Variants in GPR149 observed in about 807,000 individuals in gnomAD.
GPR149 encodes probable G protein-coupled receptor 149.
Under a neutral mutation model 50.2 loss-of-function variants are expected in GPR149, and 50 were observed. That is an observed-to-expected ratio of 1.00 (90% CI 0.79 to 1.26). The LOEUF (loss-of-function observed/expected upper bound fraction) is 1.26, where lower values mean the gene tolerates loss of function less well. GPR149 is among the 50% of genes most tolerant of loss of function. GPR149 has a pLI of 0.00. For synonymous variants in GPR149, 405 were observed against 358.2 expected (o/e 1.13, Z -1.48); for missense variants, 983 against 895.4 (o/e 1.10, Z -1.25).
chr3:154,383,280 C>T (rs773733014), intron 3 of GPR149, among the ~76,000 whole-genome samples: 13 of 152,164 alleles, frequency 8.5e-5, no homozygotes, highest in Non-Finnish European at 1.6e-4. Context: ...AGACATTCCA[C>T]TGAGCAGGCC....
intron 3 of GPR149, among the ~76,000 whole-genome samples, chr3:154,356,329 A>G (rs565530898): frequency 2.0e-5 from 3 of 152,302 alleles, no homozygotes; most frequent in Non-Finnish European, 2.9e-5. Context: ...AGTTCTGGCC[A>G]GGGCAATCAG....
intron 3 of GPR149, among the ~76,000 whole-genome samples, chr3:154,364,569 G>C (rs1364494309): frequency 6.6e-6 from 1 of 152,202 alleles, no homozygotes; most frequent in Non-Finnish European, 1.5e-5. Flanking sequence ...TGGTGAGATA[G>C]GCATGACACA....
intron 3 of GPR149, among the ~76,000 whole-genome samples, chr3:154,371,050 C>A (rs1445849043): frequency 2.6e-5 from 4 of 152,140 alleles, no homozygotes; most frequent in African/African-American, 9.7e-5. Context: ...AATGCCCATC[C>A]AGTCCAAATC....
chr3:154,344,674 C>T (rs1368973601), intron 3 of GPR149, among the ~76,000 whole-genome samples: 7 of 152,072 alleles, frequency 4.6e-5, no homozygotes, highest in Admixed American at 4.6e-4. Context: ...TGTGAAGATG[C>T]AGATAACAAT....
In GPR149 at chr3:154,427,533, G is replaced by C; in HGVS notation, c.1157C>G (p.Ala386Gly). ...INCRQNAYAV[A>G]SDGKKIKRKG... ...GGACTTACTTTTTTTCCCATCGGAC[G>C]CCACTGCATATGCGTTCTGCCTGCA... The change falls in exon 2 of 4, where the codon GCG becomes GGG. Residue 386 changes from alanine to glycine, a missense_variant. Transcript: ENST00000389740. The C allele has an allele frequency of 6.2e-7, 1 of 1,609,484 alleles. No individual in the cohort carries two copies. The highest frequency in any genetic ancestry group is 8.5e-7 in the Non-Finnish European group (1 of 1,178,570).
At position 154,337,740 on chromosome 3, in the gene GPR149, T is replaced by C; in HGVS notation, c.2155A>G (p.Lys719Glu). The change falls in exon 4 of 4, where the codon AAA becomes GAA. Residue 719 changes from lysine to glutamate, a missense_variant. Coordinates refer to ENST00000389740, the MANE Select transcript of GPR149 (RefSeq NM_001038705.3). ...GYQEEIQLLNKAYRKREEESK... is the reference protein window; with the variant it reads ...GYQEEIQLLNEAYRKREEESK... ...TCTTCCTCTCTTTTTCTGTAAGCTT[T>C]ATTTAACAACTGGATTTCCTCCTGG... is the stretch of plus-strand genomic sequence containing the variant. 1 of 1,610,908 alleles carries C rather than the reference T, an allele frequency of 6.2e-7. No homozygotes were observed. Among genetic ancestry groups the C allele is most frequent in the Non-Finnish European group, 8.5e-7 (1 of 1,178,578 alleles).
chr3:154,372,508 C>T (rs902756091), intron 3 of GPR149, among the ~76,000 whole-genome samples: 1 of 152,132 alleles, frequency 6.6e-6, no homozygotes, highest in Non-Finnish European at 1.5e-5. Context: ...CCTTGCCATG[C>T]CGCTGCAAGG....
chr3:154,402,706 T>C (rs893761576), intron 3 of GPR149, among the ~76,000 whole-genome samples: 8 of 151,698 alleles, frequency 5.3e-5, no homozygotes, highest in African/African-American at 1.9e-4. Context: ...CACTCCACCT[T>C]CTGTGGTCTG....
chr3:154,415,879 A>C (rs2108426519), intron 3 of GPR149, among the ~76,000 whole-genome samples: 1 of 152,076 alleles, frequency 6.6e-6, no homozygotes, highest in East Asian at 1.9e-4. Context: ...TAAGCACTTC[A>C]AACAAATGGA....
chr3:154,387,443 A>G (rs1715069973), intron 3 of GPR149, among the ~76,000 whole-genome samples: 1 of 152,202 alleles, frequency 6.6e-6, no homozygotes. Flanking sequence ...TTGAGTGAAT[A>G]ATATAGGCCA....
At position 154,351,325 on chromosome 3, in the gene GPR149, A is replaced by T. The variant is rs1350808582; in HGVS notation, c.1624-13054T>A. Among the ~76,000 whole-genome samples the T allele has an allele frequency of 4.3e-5, 6 of 139,038 alleles. 1 individual carries two copies. The highest frequency in any genetic ancestry group is 1.4e-4 in the Admixed American group (2 of 14,316). 91.2% of individuals were successfully genotyped at this position (139,038 alleles called of 152,430 possible). A position where few individuals can be genotyped will look rare whatever the true frequency, so the allele number is the denominator to read the frequency against. Reference sequence around the variant, plus strand: ...AGACATCCACATACAAAAAAAAAAAAAAAAAAAAAAAAAAAAAAAATAACC... The same window carrying T: ...AGACATCCACATACAAAAAAAAAAATAAAAAAAAAAAAAAAAAAAATAACC... On this transcript the variant is annotated intron_variant, in intron 3 of 3. Transcript: ENST00000389740.
rs115515676 is a variant in GPR149, at chr3:154,391,735, T to G, written c.1623+29304A>C. ...AAACTTCTTAAGTTTGACAACTTAT[T>G]AAGTTTACATAACTTATTATTATTA... On this transcript the variant is annotated intron_variant, in intron 3 of 3. Coordinates refer to ENST00000389740, the MANE Select transcript of GPR149 (RefSeq NM_001038705.3). 9.3e-3 allele frequency among the ~76,000 whole-genome samples: 1,419 copies of G among 151,920 alleles called. 12 individuals are homozygous for G. The highest frequency in any genetic ancestry group is 0.033 in the African/African-American group (1,352 of 41,544).
intron 3 of GPR149, among the ~76,000 whole-genome samples, chr3:154,338,617 C>T (rs563696526): frequency 1.7e-4 from 26 of 152,256 alleles, no homozygotes; most frequent in Admixed American, 3.3e-4. Flanking sequence ...TCTGAAATTA[C>T]TTTTATATTT....
At chr3:154,363,296 T>G (rs1714457909) in intron 3 of GPR149, among the ~76,000 whole-genome samples, 1 of 115,850 alleles carries the variant, frequency 8.6e-6, no homozygotes, top group South Asian at 2.8e-4. Context: ...AGTACACTTT[T>G]GCTGCTATAA....
At position 154,421,072 on chromosome 3, in the gene GPR149, C is replaced by A. The variant is rs772860390; in HGVS notation, c.1590G>T (p.Trp530Cys). Residue 530 changes from tryptophan to cysteine, a missense_variant, in exon 3 of 4, where the codon TGG becomes TGT. By Grantham distance (215) the Trp-to-Cys change is radical (BLOSUM62 -2). Coordinates refer to ENST00000389740, the MANE Select transcript of GPR149 (RefSeq NM_001038705.3). ...GGGTTCTTTCTGATTTACTCCTACA[C>A]CACTCCCAGTCTGAAAGATCTGGTT... Reference protein sequence around the residue: ...SQKPDLSDWEWCRSKSERTPR... With the variant: ...SQKPDLSDWECCRSKSERTPR... The A allele has an allele frequency of 1.2e-6, 2 of 1,612,478 alleles. No homozygotes were observed. The highest frequency in any genetic ancestry group is 1.7e-6 in the Non-Finnish European group (2 of 1,179,292).
chr3:154,360,382 T>A (rs2108394792), intron 3 of GPR149, among the ~76,000 whole-genome samples: 1 of 152,310 alleles, frequency 6.6e-6, no homozygotes, highest in South Asian at 2.1e-4. Context: ...TGGCAACACA[T>A]TTTCTTGGTA....
rs757989150 is a variant in GPR149 at position 154,427,497 on chromosome 3, T to C, written c.1174+19A>G. 6.3e-7 allele frequency: 1 copy of C among 1,584,586 alleles called. No individual in the cohort carries two copies. The highest frequency in any genetic ancestry group is 8.6e-7 in the Non-Finnish European group (1 of 1,167,604). On this transcript the variant is annotated intron_variant, in intron 2 of 3. Coordinates refer to ENST00000389740, the MANE Select transcript of GPR149 (RefSeq NM_001038705.3). ...CCTAATGCATATTGCTGCCAATCAC[T>C]GCAGTGTTGAGGACTTACTTTTTTT...
At chr3:154,354,592 G>A (rs534206005) in intron 3 of GPR149, 10 of 182,708 alleles carry the variant, frequency 5.5e-5, no homozygotes, top group South Asian at 1.9e-4. Context: ...GAGGGCAGGC[G>A]GGTGGGAGGA....
At chr3:154,352,458 C>T in intron 3 of GPR149, 1 of 805,150 alleles carries the variant, frequency 1.2e-6, no homozygotes, top group Non-Finnish European at 2.2e-6. Context: ...AAAGCAAACA[C>T]CCATATTTCC....
Sources: allele counts gnomAD v4.1 joint callset (sites outside exome capture counted in the v4.1 genomes callset), GRCh38; gene constraint gnomAD v4.1.1; transcripts MANE v1.5; gene names NCBI Gene and HGNC (gene_info 2026-07-23, HGNC 2026-07-21).